BANP: variants seen among roughly 807,000 people sequenced by gnomAD.
The protein encoded by BANP is protein BANP.
Under a neutral mutation model 68.1 loss-of-function variants are expected in BANP, and 11 were observed. That is an observed-to-expected ratio of 0.16 (90% CI 0.10 to 0.27). BANP has a LOEUF of 0.27. BANP is among the 10% of genes least tolerant of loss of function. The pLI, the probability that BANP is intolerant of heterozygous loss-of-function variation, is 1.00. For synonymous variants in BANP, 329 were observed against 303.2 expected (o/e 1.09, Z -0.88); for missense variants, 504 against 722.7 (o/e 0.70, Z 3.47).
chr16:87,975,152 A>G lies in BANP; in HGVS notation c.37A>G (p.Ile13Val). The change falls in exon 2 of 14, where the codon ATT becomes GTT. Residue 13 changes from isoleucine to valine, a missense_variant. This residue lies in a region of BANP where 238 missense variants were observed against 278.9 expected (regional missense o/e 0.85). Transcript: ENST00000682872. ...ACACGACCTGGCCGATGTGGTTCAG[A>G]TTGCAGTGGAAGACCTGAGCCCTGA... ...SEHDLADVVQIAVEDLSPDHP... is the reference protein window; with the variant it reads ...SEHDLADVVQVAVEDLSPDHP... 6 of 1,614,142 alleles carry G rather than the reference A, an allele frequency of 3.7e-6. No homozygotes were observed. The highest frequency in any genetic ancestry group is 5.1e-6 in the Non-Finnish European group (6 of 1,180,000).
At chr16:87,962,466 G>A (rs2145050504) in intron 1 of BANP, among the ~76,000 whole-genome samples, 1 of 152,166 alleles carries the variant, frequency 6.6e-6, no homozygotes, top group South Asian at 2.1e-4. Context: ...AGCTCTTCAG[G>A]ACCCTCAGTA....
intron 6 of BANP, among the ~76,000 whole-genome samples, chr16:88,008,501 GTTTGTTT>G (rs1026720687): frequency 6.6e-6 from 1 of 152,136 alleles, no homozygotes; most frequent in African/African-American, 2.4e-5. Context: ...CAGGCCTGAT[GTTTGTTT>G]GATTGAAACT....
chr16:88,076,489 G>T lies in BANP; in HGVS notation c.1522-101G>T, dbSNP rs2091647306. 9.6e-6 allele frequency: 10 copies of T among 1,040,316 alleles called. No individual in the cohort carries two copies. The South Asian group carries it at 1.4e-4, about 14-fold the overall frequency. 64.4% of individuals were successfully genotyped at this position (1,040,316 alleles called of 1,614,324 possible). On this transcript the variant is annotated intron_variant, in intron 13 of 13. Transcript: ENST00000682872. ...GGCTCCTTCGCGCTCCTGTGTGCGT[G>T]TTTCTCATTCTGCCTTAAAGTCACT...
intron 1 of BANP, among the ~76,000 whole-genome samples, chr16:87,962,962 T>C (rs1274383615): frequency 2.0e-5 from 3 of 152,252 alleles, no homozygotes; most frequent in African/African-American, 7.2e-5. Flanking sequence ...TCTTCCTTTC[T>C]AGACTTACAT....
At chr16:88,013,532 G>A (rs1485347932) in intron 6 of BANP, among the ~76,000 whole-genome samples, 2 of 152,142 alleles carry the variant, frequency 1.3e-5, no homozygotes, top group African/African-American at 4.8e-5. Context: ...CAGCCTGCCT[G>A]ATGGGACGGG....
chr16:88,027,763 C>G (rs1216366071), intron 8 of BANP, 113 bp downstream of exon 8: 21 of 1,319,722 alleles, frequency 1.6e-5, no homozygotes, highest in Non-Finnish European at 2.2e-5. Context: ...GGCCGGGAGC[C>G]GAGGCCAGAG....
At chr16:87,958,407 C>T (rs1344160524) in intron 1 of BANP, among the ~76,000 whole-genome samples, 1 of 152,184 alleles carries the variant, frequency 6.6e-6, no homozygotes, top group African/African-American at 2.4e-5. Context: ...AGTGTATGAA[C>T]TTACCATCGT....
intron 12 of BANP, among the ~76,000 whole-genome samples, chr16:88,066,068 G>T (rs754056891): frequency 6.6e-6 from 1 of 152,282 alleles, no homozygotes; most frequent in South Asian, 2.1e-4. Context: ...CCACTACTGC[G>T]GCAGGTGCAG....
intron 11 of BANP, among the ~76,000 whole-genome samples, chr16:88,047,045 G>A (rs1366834180): frequency 2.0e-5 from 3 of 151,012 alleles, no homozygotes; most frequent in African/African-American, 4.9e-5. Flanking sequence ...CAGCCTGGGC[G>A]ACATAGCGAG....
intron 7 of BANP, among the ~76,000 whole-genome samples, chr16:88,019,691 C>T (rs1197610488): frequency 2.2e-5 from 1 of 44,896 alleles, no homozygotes; most frequent in African/African-American, 8.6e-5. Flanking sequence ...GCGGGGCGTC[C>T]GGGATCTCAG....
intron 11 of BANP, among the ~76,000 whole-genome samples, chr16:88,041,672 C>G (rs1420304922): frequency 3.8e-5 from 4 of 106,540 alleles, no homozygotes; most frequent in Non-Finnish European, 5.7e-5. Context: ...TTCCCTGTAG[C>G]CCACGACACC....
chr16:88,035,020 T>A, intron 9 of BANP: 1 of 321,906 alleles, frequency 3.1e-6, no homozygotes, highest in South Asian at 3.8e-5. Context: ...ATGTCCAAGC[T>A]GTGTGGCACA....
intron 7 of BANP, among the ~76,000 whole-genome samples, chr16:88,023,580 G>A (rs1471468025): frequency 6.6e-6 from 1 of 152,152 alleles, no homozygotes; most frequent in African/African-American, 2.4e-5. Flanking sequence ...GTTAGCAGGT[G>A]GGGCTCTTCA....
At chr16:87,981,191 A>G (rs1183419539) in intron 3 of BANP, 64 bp downstream of exon 3, 21 of 1,159,852 alleles carry the variant, frequency 1.8e-5, no homozygotes, top group Non-Finnish European at 2.6e-5. Flanking sequence ...TGCTATAACA[A>G]ATCACCATCA....
intron 2 of BANP, among the ~76,000 whole-genome samples, chr16:87,977,454 C>T (rs186154075): frequency 1.0e-3 from 159 of 152,044 alleles, no homozygotes; most frequent in Admixed American, 2.0e-3. Context: ...CACAGAGCTC[C>T]GAGGCCTGCC....
chr16:87,956,094 G>A (rs1567568715), intron 1 of BANP, among the ~76,000 whole-genome samples: 4 of 152,240 alleles, frequency 2.6e-5, no homozygotes, highest in Admixed American at 6.5e-5. Flanking sequence ...CAGCTCCCCC[G>A]TCAGGATTGT....
intron 11 of BANP, among the ~76,000 whole-genome samples, chr16:88,038,802 G>T (rs1419565710): frequency 6.6e-6 from 1 of 152,138 alleles, no homozygotes; most frequent in East Asian, 1.9e-4. Context: ...TTCAGGAGAT[G>T]GCTGTCACCT....
rs139162478 is a variant in BANP at position 87,976,792 on chromosome 16, C to A, written c.70+1607C>A. 1.1e-3 allele frequency among the ~76,000 whole-genome samples: 160 copies of A among 152,274 alleles called. 4 individuals are homozygous for A. In the East Asian group the frequency reaches 0.029, roughly 28 times the overall value. On this transcript the variant is annotated intron_variant, in intron 2 of 13. Transcript: ENST00000682872. Reference sequence around the variant, plus strand: ...TGAGGTGAGCAGTCCCAGGGGAACACGAAGGCAGCATTTCAGGAGTGCTGC... The same window carrying A: ...TGAGGTGAGCAGTCCCAGGGGAACAAGAAGGCAGCATTTCAGGAGTGCTGC...
Position 88,003,095 on chromosome 16 carries a change from G to A in BANP, c.363-1200G>A, listed in dbSNP as rs953782851. Among the ~76,000 whole-genome samples the A allele has an allele frequency of 6.6e-6, 1 of 152,228 alleles. No homozygotes were observed. Among genetic ancestry groups the A allele is most frequent in the Non-Finnish European group, 1.5e-5 (1 of 68,048 alleles). On this transcript the variant is annotated intron_variant, in intron 4 of 13. Coordinates refer to ENST00000682872, the MANE Select transcript of BANP (RefSeq NM_001386991.1). This position sits in a 1 kb window ranked among gnomAD's most constrained non-coding sequence, Gnocchi z 6.1. ...GGACTGTCACAGCCTGTAGGTGACT[G>A]TGGTGACCAAGCCAAAAGCCACCTG...
Sources: gnomAD v4.1 joint callset for allele counts (sites outside exome capture counted in the v4.1 genomes callset) on GRCh38, gnomAD v4.1.1 for gene constraint, gnomAD v4.1.1 regional missense constraint, Gnocchi (gnomAD v3.1) non-coding constraint, MANE v1.5 for transcripts, NCBI Gene and HGNC (gene_info 2026-07-23, HGNC 2026-07-21) for gene names.